PAPSS2: variants seen among roughly 807,000 people sequenced by gnomAD.
PAPSS2 encodes the protein 3'-phosphoadenosine 5'-phosphosulfate synthase 2.
A neutral mutation model predicts 66.5 loss-of-function variants in PAPSS2; 61 were observed. The ratio of observed to expected loss-of-function variants is 0.92; its 90% confidence interval spans 0.75 to 1.14. The LOEUF is 1.14. Ranked by LOEUF, PAPSS2 falls within the 50% of genes most tolerant of loss-of-function variation. The probability of loss-of-function intolerance (pLI) is 0.00; values close to 1 mark genes in which losing one functional copy is unlikely to be tolerated. For synonymous variants in PAPSS2, 289 were observed against 287.5 expected (o/e 1.01, Z -0.05); for missense variants, 708 against 789.6 (o/e 0.90, Z 1.24).
intron 1 of PAPSS2, among the ~76,000 whole-genome samples, chr10:87,679,263 A>T (rs906498523): frequency 2.0e-5 from 3 of 152,328 alleles, no homozygotes; most frequent in Middle Eastern, 3.4e-3. Flanking sequence ...AATGATACAT[A>T]CTAGAGGCCG....
At chr10:87,712,797 C>T (rs764448701) in intron 2 of PAPSS2, among the ~76,000 whole-genome samples, 67 of 151,980 alleles carry the variant, frequency 4.4e-4, no homozygotes, top group Admixed American at 1.2e-3. Flanking sequence ...CACTCTGCAG[C>T]CCAAACAGAA....
intron 1 of PAPSS2, chr10:87,661,057 G>A (rs761134230): frequency 4.4e-6 from 2 of 455,574 alleles, no homozygotes; most frequent in South Asian, 3.1e-5. Flanking sequence ...ACACATAGTA[G>A]GTGCCTGATA....
chr10:87,675,662 C>T (rs1408891268), intron 1 of PAPSS2, among the ~76,000 whole-genome samples: 1 of 152,186 alleles, frequency 6.6e-6, no homozygotes. Context: ...GAATGCATCT[C>T]CTAATTTAGT....
chr10:87,729,283 G>A (rs999746224), intron 9 of PAPSS2, among the ~76,000 whole-genome samples: 3 of 150,688 alleles, frequency 2.0e-5, no homozygotes, highest in Non-Finnish European at 2.9e-5. Flanking sequence ...CCTGCACTGA[G>A]AAAGTCTGTG....
chr10:87,687,831 A>G (rs531124038), intron 1 of PAPSS2, among the ~76,000 whole-genome samples: 1 of 152,322 alleles, frequency 6.6e-6, no homozygotes, highest in East Asian at 1.9e-4. Flanking sequence ...AAAACTCTTA[A>G]AAAGAAAAAA....
chr10:87,708,783 C>CAGTTGT (rs1433200423), intron 1 of PAPSS2, among the ~76,000 whole-genome samples: 1 of 152,122 alleles, frequency 6.6e-6, no homozygotes, highest in African/African-American at 2.4e-5. Flanking sequence ...ATAGAAGATA[C>CAGTTGT]AGTTGTTGAA....
chr10:87,733,351 T>C (rs1315020166), intron 9 of PAPSS2, among the ~76,000 whole-genome samples: 1 of 152,208 alleles, frequency 6.6e-6, no homozygotes, highest in African/African-American at 2.4e-5. Flanking sequence ...AGGTGAAACT[T>C]GTAAAACTAA....
At chr10:87,697,377 C>T (rs1017657394) in intron 1 of PAPSS2, among the ~76,000 whole-genome samples, 1 of 152,158 alleles carries the variant, frequency 6.6e-6, no homozygotes, top group African/African-American at 2.4e-5. Context: ...TGGGTTCACT[C>T]GATCCTGCAT....
intron 1 of PAPSS2, among the ~76,000 whole-genome samples, chr10:87,705,081 A>T (rs1204404766): frequency 5.9e-5 from 9 of 152,236 alleles, no homozygotes; most frequent in Non-Finnish European, 7.3e-5. Context: ...TTATCAAGAC[A>T]TAAAGCATTG....
At chr10:87,713,664 G>C (rs1170412350) in intron 3 of PAPSS2, among the ~76,000 whole-genome samples, 1 of 152,204 alleles carries the variant, frequency 6.6e-6, no homozygotes. Context: ...TTAAAGAAAA[G>C]AGCAGTTCAT....
At chr10:87,721,265 T>C (rs926366073) in intron 7 of PAPSS2, among the ~76,000 whole-genome samples, 3 of 152,320 alleles carry the variant, frequency 2.0e-5, no homozygotes, top group African/African-American at 7.2e-5. Flanking sequence ...TGTTGGTGCT[T>C]GTTCTGCTGA....
intron 2 of PAPSS2, 111 bp downstream of exon 2, chr10:87,709,424 A>AGGCT: frequency 1.5e-6 from 1 of 677,034 alleles, no homozygotes; most frequent in Admixed American, 2.1e-5. Flanking sequence ...CATTAGAAGG[A>AGGCT]GGCTGGGAGA....
Position 87,745,102 on chromosome 10 carries a change from T to C in PAPSS2, c.1592T>C (p.Leu531Pro), listed in dbSNP as rs151328869. 117 of 1,614,046 alleles carry C rather than the reference T, an allele frequency of 7.2e-5. No homozygotes were observed. Among genetic ancestry groups the C allele is most frequent in the Admixed American group, 8.3e-5 (5 of 60,002 alleles). Residue 531 changes from leucine (L) to proline (P), a missense_variant, in exon 12 of 13, where the codon CTG becomes CCG. By Grantham distance (98) the Leu-to-Pro change is moderately conservative. Transcript: ENST00000456849. Reference sequence around the variant, plus strand: ...CCCCATCCTGAAACCAAGAAGGATCTGTATGAACCCACTCATGGGGGCAAG... The same window carrying C: ...CCCCATCCTGAAACCAAGAAGGATCCGTATGAACCCACTCATGGGGGCAAG... ...GMPHPETKKDLYEPTHGGKVL... is the reference protein window; with the variant it reads ...GMPHPETKKDPYEPTHGGKVL...
chr10:87,717,061 T>C (rs553709269), intron 7 of PAPSS2, among the ~76,000 whole-genome samples: 27 of 152,306 alleles, frequency 1.8e-4, no homozygotes, highest in African/African-American at 6.5e-4. Flanking sequence ...TTAGGAATCC[T>C]GGCCCAGTGC....
At chr10:87,735,211 C>G (rs924778021) in intron 9 of PAPSS2, among the ~76,000 whole-genome samples, 1 of 152,158 alleles carries the variant, frequency 6.6e-6, no homozygotes, top group African/African-American at 2.4e-5. Context: ...TTAAGCAGAG[C>G]CTCTGGATCT....
At chr10:87,711,150 A>C (rs1420371259) in intron 2 of PAPSS2, among the ~76,000 whole-genome samples, 1 of 152,128 alleles carries the variant, frequency 6.6e-6, no homozygotes, top group Non-Finnish European at 1.5e-5. Flanking sequence ...TTTAGCCCCA[A>C]CTCCACCTCC....
intron 1 of PAPSS2, among the ~76,000 whole-genome samples, chr10:87,663,795 C>T (rs1467051775): frequency 6.6e-6 from 1 of 152,158 alleles, no homozygotes; most frequent in African/African-American, 2.4e-5. Flanking sequence ...GTGCCAGACC[C>T]AGAGTTAGTG....
chr10:87,682,435 G>T (rs1281077604), intron 1 of PAPSS2, among the ~76,000 whole-genome samples: 1 of 152,184 alleles, frequency 6.6e-6, no homozygotes, highest in Non-Finnish European at 1.5e-5. Context: ...TACAATTCGA[G>T]AGGATTTCCT....
chr10:87,706,297 A>G (rs373201052), intron 1 of PAPSS2, among the ~76,000 whole-genome samples: 1 of 151,294 alleles, frequency 6.6e-6, no homozygotes. Context: ...CTCAATAAAC[A>G]TTTGCTGAAA....
Sources: gnomAD v4.1 joint callset for allele counts (sites outside exome capture counted in the v4.1 genomes callset) on GRCh38, gnomAD v4.1.1 for gene constraint, MANE v1.5 for transcripts, NCBI Gene and HGNC (gene_info 2026-07-23, HGNC 2026-07-21) for gene names.